Variants in GRIP2 observed in about 807,000 individuals in gnomAD.
The protein encoded by GRIP2 is glutamate receptor-interacting protein 2.
GRIP2 carries 58 observed loss-of-function variants against 108.3 expected under a neutral mutation model. The ratio of observed to expected loss-of-function variants is 0.54; its 90% CI spans 0.43 to 0.67. The LOEUF is 0.67. Among genes scored for constraint, GRIP2 ranks in the 30% least tolerant of loss-of-function variants. The pLI, the probability that GRIP2 is intolerant of heterozygous loss-of-function variation, is 0.00. For synonymous variants in GRIP2, 586 were observed against 598.2 expected (o/e 0.98, Z 0.30); for missense variants, 1,278 against 1,430.6 (o/e 0.89, Z 1.72).
At chr3:14,570,478 A>G in the GRIP2 span, among the ~76,000 whole-genome samples, 1 of 152,210 alleles carries the variant, frequency 6.6e-6, no homozygotes, top group Non-Finnish European at 1.5e-5. Flanking sequence ...AGAGCTATGC[A>G]AAGTGCGGCT....
intron 21 of GRIP2, among the ~76,000 whole-genome samples, chr3:14,503,334 T>C (rs1693820469): frequency 6.6e-6 from 1 of 152,270 alleles, no homozygotes; most frequent in South Asian, 2.1e-4. Context: ...ATATTCCATG[T>C]CCACACAGAT....
intron 21 of GRIP2, among the ~76,000 whole-genome samples, chr3:14,497,038 C>A (rs148111540): frequency 1.6e-3 from 235 of 151,598 alleles, no homozygotes; most frequent in African/African-American, 5.4e-3. Context: ...CTTGGCTTAC[C>A]GCAACCTCCG....
chr3:14,507,036 A>C lies in GRIP2; in HGVS notation c.2219-56T>G. On this transcript the variant is annotated intron_variant, in intron 18 of 23. Transcript: ENST00000621039. This position sits in a 1 kb window ranked among gnomAD's most constrained non-coding sequence, Gnocchi z 4.6. ...TTCAGAGACACTCACAGTGAGCCTC[A>C]GTTTCTGCATTTCAGCCTGGTCTGG... 6.7e-7 allele frequency: 1 copy of C among 1,481,716 alleles called. No homozygotes were observed. Among genetic ancestry groups the C allele is most frequent in the Non-Finnish European group, 9.1e-7 (1 of 1,095,064 alleles). 91.8% of individuals were successfully genotyped at this position (1,481,716 alleles called of 1,614,324 possible).
chr3:14,505,803 G>C lies in GRIP2; in HGVS notation c.2399-14C>G, dbSNP rs1349072870. On this transcript the variant is annotated splice_polypyrimidine_tract_variant and intron_variant, in intron 19 of 23. Coordinates refer to ENST00000621039, the MANE Select transcript of GRIP2 (RefSeq NM_001080423.4). This position sits in a 1 kb window ranked among gnomAD's most constrained non-coding sequence, Gnocchi z 4.2. Reference sequence around the variant, plus strand: ...GTGTATAGGACCCTGGTGGTGGAGAGAGGGCCTCTGTGTTCCCTGCGGCCT... The same window carrying C: ...GTGTATAGGACCCTGGTGGTGGAGACAGGGCCTCTGTGTTCCCTGCGGCCT... The C allele has an allele frequency of 2.0e-6, 3 of 1,502,392 alleles. No individual in the cohort carries two copies. Among genetic ancestry groups the C allele is most frequent in the Non-Finnish European group, 2.7e-6 (3 of 1,127,224 alleles). The allele number at this position is 1,502,392 out of a possible 1,614,324, so 93.1% of individuals were successfully genotyped here. A position where few individuals can be genotyped will look rare whatever the true frequency, so the allele number is the denominator to read the frequency against.
rs1238321387 is a variant in GRIP2, at chr3:14,499,374, C to G, written c.2680-2814G>C. On this transcript the variant is annotated intron_variant, in intron 21 of 23. Coordinates refer to ENST00000621039, the MANE Select transcript of GRIP2 (RefSeq NM_001080423.4). ...AAAGCCCACCTGCCCACAGACAAAA[C>G]AAGTCGGCGAATCCATACTCAGGGA... is the stretch of plus-strand genomic sequence containing the variant. 4.6e-5 allele frequency among the ~76,000 whole-genome samples: 3 copies of G among 64,956 alleles called. No individual in the cohort carries two copies. The Admixed American group carries it at 6.9e-4, about 15-fold the overall frequency. 42.6% of individuals were successfully genotyped at this position (64,956 alleles called of 152,430 possible).
intron 1 of GRIP2, among the ~76,000 whole-genome samples, chr3:14,547,583 G>A (rs150386773): frequency 6.6e-6 from 1 of 152,316 alleles, no homozygotes; most frequent in African/African-American, 2.4e-5. Flanking sequence ...AGAGTTTGGA[G>A]GGAGAGAGGG....
At chr3:14,509,773 C>T (rs1014480983) in intron 17 of GRIP2, 47 bp downstream of exon 17, 1 of 1,361,252 alleles carries the variant, frequency 7.3e-7, no homozygotes, top group African/African-American at 1.5e-5. Flanking sequence ...CTCTTGCTTC[C>T]TGTGTTCCCT....
chr3:14,561,865 T>TG, the GRIP2 span, among the ~76,000 whole-genome samples: 6 of 152,280 alleles, frequency 3.9e-5, no homozygotes, highest in Non-Finnish European at 8.8e-5. Context: ...TTATCCAGGC[T>TG]GGGGGAGGGA....
At chr3:14,496,693 T>C (rs760203774) in intron 21 of GRIP2, 133 bp from the exon 22 acceptor site, 21 of 1,261,654 alleles carry the variant, frequency 1.7e-5, no homozygotes, top group South Asian at 1.4e-4. Flanking sequence ...TCCCTGCCCA[T>C]TGGGGCTGGG....
chr3:14,595,336 G>A, the GRIP2 span, among the ~76,000 whole-genome samples: 1 of 152,042 alleles, frequency 6.6e-6, no homozygotes, highest in African/African-American at 2.4e-5. Flanking sequence ...TGTTATTATT[G>A]TCATTGTTTT....
At chr3:14,594,013 T>C in the GRIP2 span, among the ~76,000 whole-genome samples, 26 of 152,340 alleles carry the variant, frequency 1.7e-4, no homozygotes, top group African/African-American at 5.1e-4. Flanking sequence ...AGAAAGCCTT[T>C]CACTGCAGTT....
At chr3:14,559,482 A>G (rs537364893), upstream of GRIP2, among the ~76,000 whole-genome samples, 4 of 151,102 alleles carry the variant, frequency 2.6e-5, no homozygotes, top group South Asian at 8.4e-4. Context: ...GCTATGATCC[A>G]GTAGTTTCTA....
rs908685187 is a variant in GRIP2 at position 14,493,045 on chromosome 3, C to A, written c.*620G>T. The A allele has an allele frequency of 4.6e-5, 7 of 152,246 alleles. No individual in the cohort carries two copies. Among genetic ancestry groups the A allele is most frequent in the African/African-American group, 1.7e-4 (7 of 41,452 alleles). 9.4% of individuals were successfully genotyped at this position (152,246 alleles called of 1,614,324 possible). A position where few individuals can be genotyped will look rare whatever the true frequency, so the allele number is the denominator to read the frequency against. On this transcript the variant is annotated 3_prime_UTR_variant, in exon 24 of 24. Transcript: ENST00000621039. ...TCTCAGAATCTCAGGACTAGCAAGC[C>A]CCAAACCCCTATTCTGGAGAAGCGA...
At chr3:14,553,025 C>G (rs1215695015) in intron 1 of GRIP2, among the ~76,000 whole-genome samples, 3 of 152,158 alleles carry the variant, frequency 2.0e-5, no homozygotes, top group African/African-American at 7.2e-5. Context: ...TGCCTCCCTC[C>G]TCTCCCCACA....
chr3:14,581,306 C>T, the GRIP2 span, among the ~76,000 whole-genome samples: 2 of 152,220 alleles, frequency 1.3e-5, no homozygotes, highest in Non-Finnish European at 2.9e-5. Flanking sequence ...TAACAGCACC[C>T]TGATTTTGCT....
chr3:14,494,751 C>A, intron 23 of GRIP2, 92 bp downstream of exon 23: 1 of 1,435,046 alleles, frequency 7.0e-7, no homozygotes, highest in Non-Finnish European at 9.3e-7. Context: ...ATTGTCCTGC[C>A]CTCTTCACAG....
At chr3:14,533,528 T>C (rs1694760743) in intron 1 of GRIP2, among the ~76,000 whole-genome samples, 1 of 152,098 alleles carries the variant, frequency 6.6e-6, no homozygotes, top group South Asian at 2.1e-4. Context: ...GAGCCCTAAT[T>C]GTAAAAACAA....
chr3:14,549,861 G>C (rs973033767), intron 1 of GRIP2, among the ~76,000 whole-genome samples: 1 of 152,184 alleles, frequency 6.6e-6, no homozygotes, highest in African/African-American at 2.4e-5. Flanking sequence ...ATTCTCAAAA[G>C]GGCTTGGTGG....
chr3:14,501,548 T>A (rs1693764492), intron 21 of GRIP2, among the ~76,000 whole-genome samples: 1 of 152,096 alleles, frequency 6.6e-6, no homozygotes, highest in Non-Finnish European at 1.5e-5. Flanking sequence ...TTAGGAAAGA[T>A]TAAAATATAT....
Sources: gnomAD v4.1 joint callset for allele counts (sites outside exome capture counted in the v4.1 genomes callset) on GRCh38, gnomAD v4.1.1 for gene constraint, Gnocchi (gnomAD v3.1) non-coding constraint, MANE v1.5 for transcripts, NCBI Gene and HGNC (gene_info 2026-07-23, HGNC 2026-07-21) for gene names.